Variants in TNFAIP8 observed in about 807,000 individuals in gnomAD.
TNFAIP8 encodes the protein tumor necrosis factor alpha-induced protein 8.
Under a neutral mutation model 13.3 loss-of-function variants are expected in TNFAIP8, and 7 were observed. The ratio of observed to expected loss-of-function variants is 0.52; its 90% CI spans 0.30 to 0.99. TNFAIP8 has a LOEUF of 0.99. Ranked by LOEUF, TNFAIP8 falls within the 50% of genes least tolerant of loss-of-function variation. The pLI is 0.07. For missense variants in TNFAIP8, 258 were observed against 236.9 expected (o/e 1.09, Z -0.58); for synonymous variants, 94 against 87.6 (o/e 1.07, Z -0.41).
At chr5:119,347,810 A>G (rs952360732) in intron 1 of TNFAIP8, among the ~76,000 whole-genome samples, 1 of 152,186 alleles carries the variant, frequency 6.6e-6, no homozygotes, top group Admixed American at 6.5e-5. Context: ...GCTACTCGCA[A>G]CTGCAAGCCT....
chr5:119,333,734 T>A, intron 1 of TNFAIP8: 1 of 1,000,612 alleles, frequency 1.0e-6, no homozygotes, highest in Non-Finnish European at 1.5e-6. Context: ...TTCAAGGAAA[T>A]AATGTTTGGT....
intron 1 of TNFAIP8, among the ~76,000 whole-genome samples, chr5:119,295,632 T>C (rs190491319): frequency 0.032 from 4,829 of 152,232 alleles, 268 homozygotes; most frequent in African/African-American, 0.11. Flanking sequence ...TGGTTCCATA[T>C]GAACTTTAAA....
chr5:119,396,884 C>T lies in TNFAIP8; in HGVS notation c.*3503C>T, dbSNP rs1298474217. The T allele has an allele frequency of 1.3e-5, 2 of 149,104 alleles. No homozygotes were observed. The highest frequency in any genetic ancestry group is 5.0e-5 in the African/African-American group (2 of 40,258). The allele number at this position is 149,104 out of a possible 1,614,324, so 9.2% of individuals were successfully genotyped here. Reference sequence around the variant, plus strand: ...TGGCAGGCACCTGTAATCCCAGCTACTTGGGAGGCTAAGGCAGGAGAATCG... The same window carrying T: ...TGGCAGGCACCTGTAATCCCAGCTATTTGGGAGGCTAAGGCAGGAGAATCG... On this transcript the variant is annotated 3_prime_UTR_variant, in exon 2 of 2. Transcript: ENST00000504771.
At chr5:119,377,499 A>T (rs1752328522) in intron 1 of TNFAIP8, among the ~76,000 whole-genome samples, 2 of 152,160 alleles carry the variant, frequency 1.3e-5, no homozygotes, top group South Asian at 4.1e-4. Flanking sequence ...GACTGTGTAG[A>T]GCTCCAAACT....
chr5:119,373,958 A>G (rs773971954), intron 1 of TNFAIP8, among the ~76,000 whole-genome samples: 1 of 152,116 alleles, frequency 6.6e-6, no homozygotes, highest in African/African-American at 2.4e-5. Flanking sequence ...AACTAATAGT[A>G]TTGGTGTTTT....
chr5:119,285,977 A>G (rs4895364), intron 1 of TNFAIP8, among the ~76,000 whole-genome samples: 34,158 of 152,086 alleles, frequency 0.22, 4,381 homozygotes, highest in East Asian at 0.44. Context: ...TTTTTTTTAG[A>G]AGAATGAACA....
intron 1 of TNFAIP8, among the ~76,000 whole-genome samples, chr5:119,384,495 AAAAT>A (rs1433920146): frequency 6.6e-6 from 1 of 152,164 alleles, no homozygotes; most frequent in Non-Finnish European, 1.5e-5. Flanking sequence ...AAAAACATAA[AAAAT>A]AAATAAGTAA....
At chr5:119,365,812 C>T (rs1459494268) in intron 1 of TNFAIP8, among the ~76,000 whole-genome samples, 1 of 152,090 alleles carries the variant, frequency 6.6e-6, no homozygotes, top group Non-Finnish European at 1.5e-5. Flanking sequence ...ACATTCGACT[C>T]AACATCTTCA....
At chr5:119,311,051 C>G (rs958689715) in intron 1 of TNFAIP8, among the ~76,000 whole-genome samples, 1 of 152,108 alleles carries the variant, frequency 6.6e-6, no homozygotes, top group African/African-American at 2.4e-5. Flanking sequence ...GAGACAAGGT[C>G]TTGCTCTGTT....
At chr5:119,281,131 A>G (rs1748612580) in intron 1 of TNFAIP8, among the ~76,000 whole-genome samples, 1 of 152,050 alleles carries the variant, frequency 6.6e-6, no homozygotes, top group Admixed American at 6.6e-5. Context: ...TTTCTTGCCT[A>G]TACCTGGAGT....
At chr5:119,317,518 AT>A (rs1176545335) in intron 1 of TNFAIP8, among the ~76,000 whole-genome samples, 2 of 151,032 alleles carry the variant, frequency 1.3e-5, no homozygotes, top group African/African-American at 4.8e-5. Context: ...ATTTTGAGAT[AT>A]TCAGGATGCT....
chr5:119,346,361 T>C (rs1034222091), intron 1 of TNFAIP8, among the ~76,000 whole-genome samples: 4 of 151,934 alleles, frequency 2.6e-5, no homozygotes, highest in Non-Finnish European at 5.9e-5. Context: ...GCAGAAAGAG[T>C]GTACCGGAAC....
intron 1 of TNFAIP8, among the ~76,000 whole-genome samples, chr5:119,318,523 T>G (rs765413981): frequency 2.0e-5 from 3 of 152,180 alleles, no homozygotes; most frequent in Admixed American, 2.0e-4. Context: ...CTTGAACTCC[T>G]TGACTCAAGT....
rs965057456 is a variant in TNFAIP8 at position 119,374,542 on chromosome 5, T to C, written c.32-18274T>C. 7.2e-4 allele frequency among the ~76,000 whole-genome samples: 110 copies of C among 152,142 alleles called. 1 individual carries two copies. Among genetic ancestry groups the C allele is most frequent in the African/African-American group, 2.3e-3 (97 of 41,506 alleles). Reference sequence around the variant, plus strand: ...AAGAAGTTGGCAGAAGCCCAGGGGGTCCTGTTGAAGAGTCAGAGTTGGACG... The same window carrying C: ...AAGAAGTTGGCAGAAGCCCAGGGGGCCCTGTTGAAGAGTCAGAGTTGGACG... On this transcript the variant is annotated intron_variant, in intron 1 of 1. Coordinates refer to ENST00000504771, the MANE Select transcript of TNFAIP8 (RefSeq NM_014350.4).
At chr5:119,390,261 T>C (rs900183255) in intron 1 of TNFAIP8, among the ~76,000 whole-genome samples, 8 of 152,214 alleles carry the variant, frequency 5.3e-5, no homozygotes, top group Admixed American at 1.3e-4. Flanking sequence ...ATCCTGGTTA[T>C]CTGCTGAGTA....
chr5:119,280,553 T>C (rs1474064217), intron 1 of TNFAIP8, among the ~76,000 whole-genome samples: 1 of 152,146 alleles, frequency 6.6e-6, no homozygotes, highest in African/African-American at 2.4e-5. Flanking sequence ...CTTGATCAGA[T>C]TCAGGTCTCA....
intron 1 of TNFAIP8, among the ~76,000 whole-genome samples, chr5:119,344,542 G>A (rs1306078614): frequency 6.6e-6 from 1 of 152,190 alleles, no homozygotes; most frequent in Non-Finnish European, 1.5e-5. Context: ...GCCTTCATGG[G>A]TGCAAGGACT....
intron 1 of TNFAIP8, among the ~76,000 whole-genome samples, chr5:119,308,781 G>C (rs1333245978): frequency 4.1e-5 from 6 of 147,950 alleles, no homozygotes; most frequent in Non-Finnish European, 8.9e-5. Context: ...AGAATCTTTT[G>C]AACCCAGGTG....
chr5:119,313,158 G>A (rs1204632162), intron 1 of TNFAIP8, among the ~76,000 whole-genome samples: 1 of 152,106 alleles, frequency 6.6e-6, no homozygotes, highest in East Asian at 1.9e-4. Flanking sequence ...GGGTAAGAGT[G>A]GTCAGCTTCG....
Sources: allele counts gnomAD v4.1 joint callset (sites outside exome capture counted in the v4.1 genomes callset), GRCh38; gene constraint gnomAD v4.1.1; transcripts MANE v1.5; gene names NCBI Gene and HGNC (gene_info 2026-07-23, HGNC 2026-07-21).